The following NEK7 variants were observed in gnomAD, a reference collection of about 807,000 sequenced individuals.
NEK7 encodes the protein serine/threonine-protein kinase Nek7.
A neutral mutation model predicts 44.6 loss-of-function variants in NEK7; 18 were observed. The ratio of observed to expected loss-of-function variants is 0.40; its 90% CI spans 0.28 to 0.60. The LOEUF is 0.60. NEK7 is among the 20% of genes least tolerant of loss of function. NEK7 has a pLI of 0.38. For missense variants in NEK7, 256 were observed against 366.5 expected, an observed-to-expected ratio of 0.70 and a Z score of 2.46; for synonymous variants, 130 against 121.1, an observed-to-expected ratio of 1.07 and a Z score of -0.48.
At chr1:198,243,224 G>A in intron 2 of NEK7, among the ~76,000 whole-genome samples, 1 of 152,036 alleles carries the variant, frequency 6.6e-6, no homozygotes, top group Non-Finnish European at 1.5e-5. Context: ...CTGGTTTTCT[G>A]TCACATTCTA....
intron 1 of NEK7, among the ~76,000 whole-genome samples, chr1:198,198,372 C>T (rs532219720): frequency 6.6e-6 from 1 of 152,218 alleles, no homozygotes; most frequent in Admixed American, 6.5e-5. Flanking sequence ...GTCCGGTGGC[C>T]AAGAGGTGAT....
At chr1:198,265,966 T>G (rs1001429116) in intron 5 of NEK7, among the ~76,000 whole-genome samples, 3 of 152,088 alleles carry the variant, frequency 2.0e-5, no homozygotes, top group Non-Finnish European at 4.4e-5. Context: ...TGACCCAATT[T>G]TATTTATATG....
chr1:198,314,103 C>T (rs943165326), intron 9 of NEK7, among the ~76,000 whole-genome samples: 4 of 152,134 alleles, frequency 2.6e-5, no homozygotes, highest in African/African-American at 9.7e-5. Flanking sequence ...TTCACATAGT[C>T]CCATATTTCT....
intron 1 of NEK7, among the ~76,000 whole-genome samples, chr1:198,199,542 T>A (rs546817792): frequency 9.9e-5 from 15 of 152,128 alleles, no homozygotes; most frequent in African/African-American, 2.7e-4. Context: ...CTTTTTTTTT[T>A]ATATTGCTTT....
chr1:198,322,253 C>T lies in NEK7; in HGVS notation c.*2731C>T, dbSNP rs1655553234. On this transcript the variant is annotated 3_prime_UTR_variant, in exon 10 of 10. Coordinates refer to ENST00000367385, the MANE Select transcript of NEK7 (RefSeq NM_133494.3). ...TTTAACCCACAAATGCATACTTACC[C>T]TGTGCCTCATATTTCAATAGTACTG... 6.6e-6 allele frequency: 1 copy of T among 152,094 alleles called. No individual in the cohort carries two copies. Among genetic ancestry groups the T allele is most frequent in the African/African-American group, 2.4e-5 (1 of 41,418 alleles). The allele number at this position is 152,094 out of a possible 1,614,324, so 9.4% of individuals were successfully genotyped here. A position where few individuals can be genotyped will look rare whatever the true frequency, so the allele number is the denominator to read the frequency against.
At chr1:198,167,585 C>T (rs1664305752) in intron 1 of NEK7, among the ~76,000 whole-genome samples, 1 of 152,156 alleles carries the variant, frequency 6.6e-6, no homozygotes, top group African/African-American at 2.4e-5. Context: ...GTGTACTGTT[C>T]TCACCATTTT....
Position 198,289,117 on chromosome 1 carries a change from C to A in NEK7, c.590-3828C>A, listed in dbSNP as rs530691204. The stretch of plus-strand genomic sequence containing the variant: ...ATGAAGGAAAGAATGGAAATTAAGT[C>A]CTATTCCCTGAAGTTGTGTGTGTGT... On this transcript the variant is annotated intron_variant, in intron 7 of 9. Transcript: ENST00000367385. 3.0e-3 allele frequency among the ~76,000 whole-genome samples: 439 copies of A among 144,600 alleles called. 2 individuals carry two copies. Among genetic ancestry groups the A allele is most frequent in the African/African-American group, 0.011 (418 of 37,680 alleles). 94.9% of individuals were successfully genotyped at this position (144,600 alleles called of 152,430 possible).
intron 9 of NEK7, among the ~76,000 whole-genome samples, chr1:198,298,644 C>A (rs1348966358): frequency 5.3e-5 from 8 of 152,136 alleles, no homozygotes; most frequent in Admixed American, 3.9e-4. Flanking sequence ...AACAATAATG[C>A]AAAATGATAG....
At chr1:198,211,050 A>G (rs1459147150) in intron 1 of NEK7, among the ~76,000 whole-genome samples, 1 of 152,120 alleles carries the variant, frequency 6.6e-6, no homozygotes, top group African/African-American at 2.4e-5. Context: ...GATATTCAAC[A>G]TGCTTTATGG....
intron 2 of NEK7, among the ~76,000 whole-genome samples, chr1:198,242,723 A>G (rs1202249061): frequency 2.0e-5 from 3 of 151,598 alleles, no homozygotes; most frequent in Non-Finnish European, 2.9e-5. Context: ...CGGCCCCACA[A>G]AGTGCTGGGA....
rs186052576 is a variant in NEK7 at position 198,216,014 on chromosome 1, C to A, written c.-28-16539C>A. ...ACAGATCACTGAAGCAGAAATTTAA[C>A]AAAGAAACACTGGACTTCAACTGCG... On this transcript the variant is annotated intron_variant, in intron 1 of 9. Transcript: ENST00000367385. Among the ~76,000 whole-genome samples, 211 of 152,180 alleles carry A rather than the reference C, an allele frequency of 1.4e-3. 1 individual carries two copies. The highest frequency in any genetic ancestry group is 2.4e-3 in the Non-Finnish European group (161 of 67,942).
chr1:198,311,503 C>T (rs1033902418), intron 9 of NEK7, among the ~76,000 whole-genome samples: 2 of 151,218 alleles, frequency 1.3e-5, no homozygotes, highest in African/African-American at 4.9e-5. Flanking sequence ...AGAGGGCATC[C>T]CTGTCTTGTG....
intron 9 of NEK7, among the ~76,000 whole-genome samples, chr1:198,314,695 T>C (rs1655296701): frequency 6.6e-6 from 1 of 152,158 alleles, no homozygotes; most frequent in African/African-American, 2.4e-5. Context: ...CCCGGCCGTG[T>C]GAGGTGTCAG....
chr1:198,268,140 C>T (rs1377021790), intron 5 of NEK7, among the ~76,000 whole-genome samples: 2 of 146,084 alleles, frequency 1.4e-5, no homozygotes, highest in Admixed American at 6.8e-5. Context: ...AGTTTCAGTC[C>T]TTGACTTTTT....
Position 198,252,556 on chromosome 1 carries a change from AT to A in NEK7, c.58-483del, listed in dbSNP as rs1558079213. On this transcript the variant is annotated intron_variant, in intron 2 of 9. Coordinates refer to ENST00000367385, the MANE Select transcript of NEK7 (RefSeq NM_133494.3). ...TATATATATATATATATATATATAT[AT>A]ATATATATATAAAAAGTACATATAT... is the stretch of plus-strand genomic sequence containing the variant. Among the ~76,000 whole-genome samples, 200 of 69,676 alleles carry A rather than the reference AT, an allele frequency of 2.9e-3. 6 individuals are homozygous for A. The highest frequency in any genetic ancestry group is 4.0e-3 in the Admixed American group (23 of 5,694). 45.7% of individuals were successfully genotyped at this position (69,676 alleles called of 152,430 possible). A position where few individuals can be genotyped will look rare whatever the true frequency, so the allele number is the denominator to read the frequency against.
intron 9 of NEK7, among the ~76,000 whole-genome samples, chr1:198,319,139 T>C (rs903284122): frequency 1.3e-5 from 2 of 152,210 alleles, no homozygotes; most frequent in Non-Finnish European, 2.9e-5. Flanking sequence ...GATTAAACTC[T>C]GAAAAATTAA....
chr1:198,317,574 A>G (rs899738674), intron 9 of NEK7, among the ~76,000 whole-genome samples: 1 of 152,220 alleles, frequency 6.6e-6, no homozygotes, highest in African/African-American at 2.4e-5. Context: ...ATTCTACCCT[A>G]TTCTGAATTA....
At chr1:198,190,999 T>C (rs1310775886) in intron 1 of NEK7, among the ~76,000 whole-genome samples, 1 of 152,030 alleles carries the variant, frequency 6.6e-6, no homozygotes, top group African/African-American at 2.4e-5. Flanking sequence ...TTTTTTAGAG[T>C]GTTTTGAAAC....
intron 1 of NEK7, among the ~76,000 whole-genome samples, chr1:198,217,605 G>A (rs143568816): frequency 3.9e-5 from 6 of 151,968 alleles, no homozygotes; most frequent in East Asian, 1.9e-4. Context: ...GGCAAGAGAC[G>A]GAAATAAAGG....
Sources: gnomAD v4.1 joint callset for allele counts (sites outside exome capture counted in the v4.1 genomes callset) on GRCh38, gnomAD v4.1.1 for gene constraint, MANE v1.5 for transcripts, NCBI Gene and HGNC (gene_info 2026-07-23, HGNC 2026-07-21) for gene names.